Variants in EIF4G3 observed in about 807,000 individuals in gnomAD.
EIF4G3 encodes eukaryotic translation initiation factor 4 gamma 3, also known as eIF-4-gamma 3.
A neutral mutation model predicts 186.4 loss-of-function variants in EIF4G3; 34 were observed. The observed-to-expected ratio is 0.18, with a 90% CI of 0.14 to 0.24. The LOEUF is 0.24. Ranked by LOEUF, EIF4G3 falls within the 10% of genes least tolerant of loss-of-function variation. EIF4G3 has a pLI of 1.00. For synonymous variants in EIF4G3, 673 were observed against 679.5 expected, an observed-to-expected ratio of 0.99 and a Z score of 0.15; for missense variants, 1,536 against 1,948.5, an observed-to-expected ratio of 0.79 and a Z score of 3.99.
intron 23 of EIF4G3, among the ~76,000 whole-genome samples, chr1:20,861,355 A>G (rs111228458): frequency 1.1e-3 from 166 of 152,348 alleles, no homozygotes; most frequent in African/African-American, 3.9e-3. Flanking sequence ...TAGTAGTAAC[A>G]AAAACTGCAC....
intron 25 of EIF4G3, among the ~76,000 whole-genome samples, 183 bp from the exon 26 acceptor site, chr1:20,855,254 G>A (rs535301999): frequency 6.6e-6 from 1 of 152,300 alleles, no homozygotes; most frequent in East Asian, 1.9e-4. Flanking sequence ...TGTGGCCCCT[G>A]AAGCACTTCC....
At chr1:20,892,216 T>A (rs2154555648) in intron 18 of EIF4G3, among the ~76,000 whole-genome samples, 1 of 152,322 alleles carries the variant, frequency 6.6e-6, no homozygotes, top group East Asian at 1.9e-4. Context: ...TAAAATGAAG[T>A]AACACGGTTA....
chr1:20,937,646 TAAAA>T (rs2095558915), intron 14 of EIF4G3, among the ~76,000 whole-genome samples: 1 of 152,088 alleles, frequency 6.6e-6, no homozygotes, highest in Admixed American at 6.5e-5. Context: ...AATAATAAAA[TAAAA>T]AAGTCACAAT....
chr1:20,980,531 T>C, intron 9 of EIF4G3, 83 bp from the exon 10 acceptor site: 1 of 937,974 alleles, frequency 1.1e-6, no homozygotes, highest in Non-Finnish European at 1.5e-6. Flanking sequence ...GAAAGTAGCT[T>C]ACTACAGAAA....
chr1:21,136,304 G>A (rs2097244686), intron 2 of EIF4G3, among the ~76,000 whole-genome samples: 1 of 151,976 alleles, frequency 6.6e-6, no homozygotes, highest in Admixed American at 6.6e-5. Flanking sequence ...GGATCATGAG[G>A]TCAGTAGTTC....
chr1:20,980,518 TAAGA>T, intron 9 of EIF4G3, 70 bp from the exon 10 acceptor site: 1 of 1,057,000 alleles, frequency 9.5e-7, no homozygotes, highest in South Asian at 1.7e-5. Flanking sequence ...AATAAAATAA[TAAGA>T]AAGTAGCTTA....
chr1:21,006,117 G>A (rs1013643125), intron 4 of EIF4G3, among the ~76,000 whole-genome samples: 1 of 152,174 alleles, frequency 6.6e-6, no homozygotes, highest in African/African-American at 2.4e-5. Context: ...GATGCCTTTA[G>A]AAACTTCTTA....
intron 12 of EIF4G3, among the ~76,000 whole-genome samples, chr1:20,950,746 G>A (rs2096175633): frequency 6.6e-6 from 1 of 152,068 alleles, no homozygotes; most frequent in Admixed American, 6.6e-5. Context: ...GTTTTTCAGA[G>A]ATATAAGGAA....
Position 20,817,344 on chromosome 1 carries a change from A to G in EIF4G3, c.4515+48T>C, listed in dbSNP as rs370959900. The G allele has an allele frequency of 3.0e-6, 4 of 1,331,898 alleles. No individual in the cohort carries two copies. In the African/African-American group the frequency reaches 6.0e-5, roughly 20 times the overall value. The allele number at this position is 1,331,898 out of a possible 1,614,324, so 82.5% of individuals were successfully genotyped here. ...GTAAGCGAATTAAGGGGATCCCACA[A>G]GAATCTTTCCTGTAGAGGTATCAGG... On this transcript the variant is annotated intron_variant, in intron 34 of 36. Transcript: ENST00000602326.
chr1:20,857,530 T>C, intron 24 of EIF4G3, 33 bp from the exon 25 acceptor site: 1 of 1,555,684 alleles, frequency 6.4e-7, no homozygotes, highest in Non-Finnish European at 8.9e-7. Context: ...GTCTCTCATC[T>C]GTCTCAAGTC....
At chr1:20,942,397 A>C in intron 13 of EIF4G3, 67 bp from the exon 14 acceptor site, 3 of 1,452,578 alleles carry the variant, frequency 2.1e-6, no homozygotes, top group Non-Finnish European at 2.8e-6. Flanking sequence ...CCTTGGGCCA[A>C]TTCTTTCAAT....
rs570997321 is a variant in EIF4G3, at chr1:20,844,647, G to A, written c.3889-3619C>T. On this transcript the variant is annotated intron_variant, in intron 29 of 36. Transcript: ENST00000602326. ...GGAGTTTGAGATCAACCTGGCCAACGTGGCGAAACCCCGTCTCTACTAAAA... is the reference window on the plus strand; with the variant it reads ...GGAGTTTGAGATCAACCTGGCCAACATGGCGAAACCCCGTCTCTACTAAAA... 1.1e-4 allele frequency among the ~76,000 whole-genome samples: 17 copies of A among 152,118 alleles called. No homozygotes were observed. In the South Asian group the frequency reaches 1.5e-3, roughly 13 times the overall value.
At chr1:21,176,033 C>A (rs1329054550) in intron 2 of EIF4G3, 142 bp downstream of exon 2, 1 of 265,698 alleles carries the variant, frequency 3.8e-6, no homozygotes, top group African/African-American at 2.3e-5. Context: ...AAAGCTCCGC[C>A]CAAGCCCGAT....
intron 4 of EIF4G3, among the ~76,000 whole-genome samples, chr1:21,014,317 T>C (rs2088168064): frequency 6.6e-6 from 1 of 152,254 alleles, no homozygotes; most frequent in Non-Finnish European, 1.5e-5. Flanking sequence ...GGTTTTTATT[T>C]CTTTTTAACT....
At chr1:20,845,487 C>A (rs1470771364) in intron 29 of EIF4G3, among the ~76,000 whole-genome samples, 1 of 152,056 alleles carries the variant, frequency 6.6e-6, no homozygotes, top group Non-Finnish European at 1.5e-5. Flanking sequence ...ACCGTGAAAC[C>A]CCGTTTCTAC....
chr1:20,882,426 C>G (rs2154554464), intron 19 of EIF4G3, among the ~76,000 whole-genome samples: 1 of 152,092 alleles, frequency 6.6e-6, no homozygotes, highest in African/African-American at 2.4e-5. Context: ...TCCAGAGTAG[C>G]CTGGTCAATG....
chr1:20,809,192 CA>C (rs1010581220), intron 36 of EIF4G3, among the ~76,000 whole-genome samples: 1 of 152,126 alleles, frequency 6.6e-6, no homozygotes, highest in Non-Finnish European at 1.5e-5. Context: ...AGGCTGGTCT[CA>C]AACTCCTGAC....
intron 14 of EIF4G3, among the ~76,000 whole-genome samples, chr1:20,927,472 G>T (rs990955733): frequency 1.3e-5 from 2 of 152,162 alleles, no homozygotes; most frequent in Non-Finnish European, 2.9e-5. Context: ...GAATTTTCTG[G>T]AAAATGTGCA....
At chr1:20,903,935 A>G (rs961338238) in intron 15 of EIF4G3, among the ~76,000 whole-genome samples, 7 of 152,242 alleles carry the variant, frequency 4.6e-5, no homozygotes, top group Admixed American at 3.9e-4. Flanking sequence ...AAAAAAAGGG[A>G]AAAAGCTACA....
Sources: allele counts gnomAD v4.1 joint callset (sites outside exome capture counted in the v4.1 genomes callset), GRCh38; gene constraint gnomAD v4.1.1; transcripts MANE v1.5; gene names NCBI Gene and HGNC (gene_info 2026-07-23, HGNC 2026-07-21).